The following KLRF1 variants were observed in gnomAD, a reference collection of about 807,000 sequenced individuals.
The protein encoded by KLRF1 is killer cell lectin like receptor F1.
A neutral mutation model predicts 30.7 loss-of-function variants in KLRF1; 27 were observed. That is an observed-to-expected ratio of 0.88 (90% CI 0.65 to 1.21). The LOEUF (loss-of-function observed/expected upper bound fraction) is 1.21, where lower values mean the gene tolerates loss of function less well. Ranked by LOEUF, KLRF1 falls within the 50% of genes most tolerant of loss-of-function variation. The pLI, the probability that KLRF1 is intolerant of heterozygous loss-of-function variation, is 0.00. For synonymous variants in KLRF1, 92 were observed against 89.3 expected (o/e 1.03, Z -0.17); for missense variants, 246 against 259.3 (o/e 0.95, Z 0.35).
At chr12:9,818,852 T>TA in the KLRF1 span, among the ~76,000 whole-genome samples, 1 of 152,250 alleles carries the variant, frequency 6.6e-6, no homozygotes, top group Non-Finnish European at 1.5e-5. Context: ...TAGTGTGTGC[T>TA]GTTCTCACAG....
At position 9,844,473 on chromosome 12, in the gene KLRF1, A is replaced by T; in HGVS notation, c.643A>T (p.Lys215Ter). ...ENSCAAIKES[K>*]IFSETCSSVF... is the part of the protein sequence containing the mutation. Reference sequence around the variant, plus strand: ...CAGCTGTGCTGCCATTAAGGAAAGCAAAATTTTCTCTGAAACCTGCAGCAG... The same window carrying T: ...CAGCTGTGCTGCCATTAAGGAAAGCTAAATTTTCTCTGAAACCTGCAGCAG... The change falls in exon 6 of 6, where the codon AAA becomes TAA. Residue 215 changes from lysine (K) to a stop codon, truncating the protein, a stop_gained. Transcript: ENST00000617889. LOFTEE classifies it high-confidence loss of function. 1 of 1,611,476 alleles carries T rather than the reference A, an allele frequency of 6.2e-7. No homozygotes were observed. Among genetic ancestry groups the T allele is most frequent in the Non-Finnish European group, 8.5e-7 (1 of 1,178,158 alleles).
chr12:9,817,470 C>A, the KLRF1 span: 8 of 433,158 alleles, frequency 1.8e-5, no homozygotes, highest in East Asian at 5.8e-4. Flanking sequence ...TGAACCAGTT[C>A]ATCCTTATTT....
intron 3 of KLRF1, among the ~76,000 whole-genome samples, chr12:9,838,435 T>C (rs1288876363): frequency 6.6e-6 from 1 of 152,138 alleles, no homozygotes; most frequent in East Asian, 1.9e-4. Context: ...TGCTAAAAGA[T>C]GCTTTCATCC....
chr12:9,835,718 G>T (rs780719358), intron 3 of KLRF1, among the ~76,000 whole-genome samples: 1 of 152,266 alleles, frequency 6.6e-6, no homozygotes, highest in South Asian at 2.1e-4. Context: ...CATGGAGAAG[G>T]TGAAGGGTTA....
chr12:9,803,874 A>C, the KLRF1 span, among the ~76,000 whole-genome samples: 1 of 152,090 alleles, frequency 6.6e-6, no homozygotes, highest in Admixed American at 6.6e-5. Flanking sequence ...AAGTAATGTC[A>C]GTCCAAATTT....
intron 3 of KLRF1, among the ~76,000 whole-genome samples, chr12:9,833,901 C>CTTT (rs35443913): frequency 0.026 from 2,129 of 82,294 alleles, 161 homozygotes; most frequent in African/African-American, 0.098. Flanking sequence ...AAATGTTTAA[C>CTTT]TTTTTTTTTT....
chr12:9,834,131 A>T (rs1867516496), intron 3 of KLRF1, among the ~76,000 whole-genome samples: 1 of 151,976 alleles, frequency 6.6e-6, no homozygotes, highest in South Asian at 2.1e-4. Flanking sequence ...ACGATGAGCC[A>T]GGAGAAGGAC....
At chr12:9,843,525 A>T (rs987121022) in intron 5 of KLRF1, among the ~76,000 whole-genome samples, 2 of 152,182 alleles carry the variant, frequency 1.3e-5, no homozygotes, top group Non-Finnish European at 1.5e-5. Context: ...AAAAGTGAAT[A>T]AAAAACATTA....
intron 3 of KLRF1, among the ~76,000 whole-genome samples, chr12:9,835,187 C>T (rs1591757584): frequency 6.6e-6 from 1 of 152,066 alleles, no homozygotes; most frequent in Non-Finnish European, 1.5e-5. Context: ...GTAAGGAAAA[C>T]TAGTGTGCAT....
At position 9,832,168 on chromosome 12, in the gene KLRF1, T is replaced by C. The variant is rs1867443508; in HGVS notation, c.86-148T>C. ...ATTGTTAAATAAATGTATATATTTT[T>C]CTATTTACTTAGCCTTCATGCTTTT... On this transcript the variant is annotated intron_variant, in intron 1 of 5. Coordinates refer to ENST00000617889, the MANE Select transcript of KLRF1 (RefSeq NM_016523.3). The C allele has an allele frequency of 5.9e-6, 3 of 506,734 alleles. No homozygotes were observed. The South Asian group carries it at 1.0e-4, about 17-fold the overall frequency. The allele number at this position is 506,734 out of a possible 1,614,324, so 31.4% of individuals were successfully genotyped here. A position where few individuals can be genotyped will look rare whatever the true frequency, so the allele number is the denominator to read the frequency against.
chr12:9,818,083 C>T, the KLRF1 span: 1 of 204,396 alleles, frequency 4.9e-6, no homozygotes, highest in Admixed American at 4.7e-5. Context: ...TAACAACACT[C>T]CAGACTCTCA....
chr12:9,804,183 A>G, the KLRF1 span, among the ~76,000 whole-genome samples: 2 of 151,846 alleles, frequency 1.3e-5, no homozygotes, highest in South Asian at 2.1e-4. Context: ...TTTAATAACT[A>G]TGTTCTTGAT....
Position 9,841,810 on chromosome 12 carries a change from A to G in KLRF1, c.335-2A>G, listed in dbSNP as rs1452645313. The G allele has an allele frequency of 6.3e-7, 1 of 1,597,872 alleles. No individual in the cohort carries two copies. The highest frequency in any genetic ancestry group is 8.5e-7 in the Non-Finnish European group (1 of 1,171,332). ...CATTTTGTTTTCTACATTTCTCTGT[A>G]GTACTATGCCAATCAGAATGGCTCA... On this transcript the variant is annotated splice_acceptor_variant, in intron 3 of 5. Transcript: ENST00000617889. LOFTEE classifies it high-confidence loss of function.
the KLRF1 span, among the ~76,000 whole-genome samples, chr12:9,806,617 T>C: frequency 3.9e-5 from 6 of 152,130 alleles, no homozygotes; most frequent in Non-Finnish European, 7.4e-5. Context: ...ACTAGAACTA[T>C]TAACATGGCT....
the KLRF1 span, among the ~76,000 whole-genome samples, chr12:9,819,887 G>A: frequency 6.6e-6 from 1 of 152,204 alleles, no homozygotes; most frequent in African/African-American, 2.4e-5. Flanking sequence ...GTGTTTTCCA[G>A]TTGACAACAC....
chr12:9,816,856 T>G, the KLRF1 span, among the ~76,000 whole-genome samples: 1 of 151,692 alleles, frequency 6.6e-6, no homozygotes, highest in Non-Finnish European at 1.5e-5. Context: ...GCCTCAGCCT[T>G]CCAAGTAGCT....
intron 3 of KLRF1, among the ~76,000 whole-genome samples, chr12:9,836,165 A>G (rs1867571554): frequency 6.6e-6 from 1 of 151,924 alleles, no homozygotes; most frequent in African/African-American, 2.4e-5. Context: ...GTAGAGGGTG[A>G]CATAAGAATG....
At chr12:9,802,355 T>C in the KLRF1 span, among the ~76,000 whole-genome samples, 6 of 151,988 alleles carry the variant, frequency 3.9e-5, no homozygotes, top group Non-Finnish European at 8.8e-5. Context: ...TAAGAGTTAT[T>C]TATGACAAAC....
the KLRF1 span, among the ~76,000 whole-genome samples, chr12:9,802,384 T>G: frequency 6.6e-6 from 1 of 152,082 alleles, no homozygotes; most frequent in South Asian, 2.1e-4. Context: ...AATATCATAC[T>G]GAATGGGCAA....
Sources: allele counts gnomAD v4.1 joint callset (sites outside exome capture counted in the v4.1 genomes callset), GRCh38; gene constraint gnomAD v4.1.1; transcripts MANE v1.5; gene names NCBI Gene and HGNC (gene_info 2026-07-23, HGNC 2026-07-21).